The following CNTN5 variants were observed in gnomAD, a reference collection of about 807,000 sequenced individuals.
CNTN5 encodes the protein contactin-5.
A neutral mutation model predicts 129.1 loss-of-function variants in CNTN5; 77 were observed. The observed-to-expected ratio is 0.60, with a 90% CI of 0.50 to 0.72. CNTN5 has a LOEUF of 0.72. CNTN5 is among the 30% of genes least tolerant of loss of function. The probability of loss-of-function intolerance (pLI) is 0.00; values close to 1 mark genes in which losing one functional copy is unlikely to be tolerated. For synonymous variants in CNTN5, 509 were observed against 465.6 expected, an observed-to-expected ratio of 1.09 and a Z score of -1.20; for missense variants, 1,478 against 1,328.8, an observed-to-expected ratio of 1.11 and a Z score of -1.75.
At chr11:99,227,670 GC>G (rs1197985790) in intron 1 of CNTN5, among the ~76,000 whole-genome samples, 4 of 151,974 alleles carry the variant, frequency 2.6e-5, no homozygotes, top group Non-Finnish European at 5.9e-5. Context: ...TAAAGAAGGG[GC>G]TTAATATAAA....
chr11:99,244,162 C>T (rs1027771655), intron 1 of CNTN5, among the ~76,000 whole-genome samples: 1 of 151,992 alleles, frequency 6.6e-6, no homozygotes, highest in African/African-American at 2.4e-5. Context: ...TTATAGTACT[C>T]GTCGTAGAGA....
intron 9 of CNTN5, among the ~76,000 whole-genome samples, chr11:100,013,137 TG>T (rs1940622792): frequency 1.3e-5 from 2 of 152,024 alleles, no homozygotes; most frequent in Admixed American, 6.6e-5. Flanking sequence ...CCAAATAATG[TG>T]TACACATGGG....
At chr11:100,348,952 G>A (rs770725674) in intron 23 of CNTN5, among the ~76,000 whole-genome samples, 13 of 151,856 alleles carry the variant, frequency 8.6e-5, no homozygotes, top group South Asian at 6.2e-4. Context: ...ATGAATCTCC[G>A]GTATGTAGTA....
intron 1 of CNTN5, among the ~76,000 whole-genome samples, chr11:99,157,717 G>A (rs1168695633): frequency 1.3e-5 from 2 of 152,096 alleles, no homozygotes; most frequent in Admixed American, 6.6e-5. Flanking sequence ...TTCTCAGTAT[G>A]ATTAGCTTGA....
chr11:99,967,572 C>T (rs987806530), intron 8 of CNTN5, among the ~76,000 whole-genome samples: 7 of 152,112 alleles, frequency 4.6e-5, no homozygotes, highest in African/African-American at 1.7e-4. Flanking sequence ...AAAAACAAGA[C>T]CAACTCCAAA....
intron 3 of CNTN5, among the ~76,000 whole-genome samples, chr11:99,741,832 G>A (rs971762977): frequency 2.0e-5 from 3 of 151,882 alleles, no homozygotes; most frequent in African/African-American, 4.8e-5. Context: ...ATGTCTTGCC[G>A]CTATGTTTGG....
rs557283038 is a variant in CNTN5, at chr11:100,055,777, T to A, written c.981-5435T>A. On this transcript the variant is annotated intron_variant, in intron 9 of 24. Coordinates refer to ENST00000524871, the MANE Select transcript of CNTN5 (RefSeq NM_014361.4). ...TTGTATATATTGTATTTCCTGTGCTTATGGATTCATGTCCTTCATTTTAGG... is the reference window on the plus strand; with the variant it reads ...TTGTATATATTGTATTTCCTGTGCTAATGGATTCATGTCCTTCATTTTAGG... Among the ~76,000 whole-genome samples the A allele has an allele frequency of 5.9e-5, 9 of 151,756 alleles. No individual in the cohort carries two copies. In the South Asian group the frequency reaches 1.9e-3, roughly 31 times the overall value.
chr11:99,990,455 TAC>T (rs57175307), intron 8 of CNTN5, among the ~76,000 whole-genome samples: 16 of 145,074 alleles, frequency 1.1e-4, no homozygotes, highest in South Asian at 2.2e-4. Context: ...TATATATATA[TAC>T]ACACACACAC....
intron 13 of CNTN5, among the ~76,000 whole-genome samples, chr11:100,155,925 A>G (rs1448436071): frequency 6.6e-6 from 1 of 152,112 alleles, no homozygotes; most frequent in Non-Finnish European, 1.5e-5. Context: ...GGGGTTTTCT[A>G]AATATATAAT....
intron 3 of CNTN5, among the ~76,000 whole-genome samples, chr11:99,736,014 T>C (rs965992042): frequency 6.8e-6 from 1 of 147,174 alleles, no homozygotes; most frequent in Non-Finnish European, 1.5e-5. Flanking sequence ...TTTTTCTTTC[T>C]CTTTTTTTTC....
At chr11:99,417,084 G>A (rs1210482424) in intron 2 of CNTN5, among the ~76,000 whole-genome samples, 1 of 152,124 alleles carries the variant, frequency 6.6e-6, no homozygotes, top group African/African-American at 2.4e-5. Flanking sequence ...CACAGATAAA[G>A]TGTCAATGAA....
chr11:99,464,082 G>A (rs1365887977), intron 2 of CNTN5, among the ~76,000 whole-genome samples: 1 of 152,094 alleles, frequency 6.6e-6, no homozygotes, highest in Non-Finnish European at 1.5e-5. Context: ...CCATATTATA[G>A]CAGACAGATG....
intron 2 of CNTN5, among the ~76,000 whole-genome samples, chr11:99,372,989 A>G (rs1939920928): frequency 6.6e-6 from 1 of 152,116 alleles, no homozygotes; most frequent in Admixed American, 6.6e-5. Flanking sequence ...TGGGTGGATC[A>G]CCTGAGGTCA....
rs114332949 is a variant in CNTN5, at chr11:100,163,557, A to G, written c.1581-27569A>G. On this transcript the variant is annotated intron_variant, in intron 13 of 24. Transcript: ENST00000524871. ...TGGAAGTCAATAAATACAGTATACA[A>G]CTTCCTACATTATTGCTTTGGAGTT... Among the ~76,000 whole-genome samples, 1,345 of 151,984 alleles carry G rather than the reference A, an allele frequency of 8.8e-3. 27 individuals are homozygous for G. Among genetic ancestry groups the G allele is most frequent in the African/African-American group, 0.03 (1,256 of 41,526 alleles).
At chr11:99,962,896 C>A (rs1591488788) in intron 8 of CNTN5, among the ~76,000 whole-genome samples, 2 of 150,616 alleles carry the variant, frequency 1.3e-5, no homozygotes, top group East Asian at 3.9e-4. Flanking sequence ...ATTTGCATTT[C>A]TCTGATGGCC....
chr11:99,367,068 G>A (rs542268861), intron 2 of CNTN5, among the ~76,000 whole-genome samples: 1 of 152,180 alleles, frequency 6.6e-6, no homozygotes, highest in African/African-American at 2.4e-5. Context: ...TGCCTCTAAA[G>A]GTTTAAAATG....
chr11:99,073,085 C>A, intron 1 of CNTN5, among the ~76,000 whole-genome samples: 1 of 152,054 alleles, frequency 6.6e-6, no homozygotes. Flanking sequence ...CTTCTCATTG[C>A]TATATAGTAT....
chr11:99,724,619 G>A (rs1943277492), intron 3 of CNTN5, among the ~76,000 whole-genome samples: 1 of 152,188 alleles, frequency 6.6e-6, no homozygotes, highest in South Asian at 2.1e-4. Context: ...CACACAGTTA[G>A]TGATTATTTG....
chr11:99,726,298 G>GT (rs1156782592), intron 3 of CNTN5, among the ~76,000 whole-genome samples: 1 of 152,164 alleles, frequency 6.6e-6, no homozygotes, highest in Non-Finnish European at 1.5e-5. Context: ...GTGTGCCAGA[G>GT]TAAAAAGCAA....
Sources: allele counts gnomAD v4.1 joint callset (sites outside exome capture counted in the v4.1 genomes callset), GRCh38; gene constraint gnomAD v4.1.1; transcripts MANE v1.5; gene names NCBI Gene and HGNC (gene_info 2026-07-23, HGNC 2026-07-21).